ABCA12: variants seen among roughly 807,000 people sequenced by gnomAD.
ABCA12 encodes glucosylceramide transporter ABCA12.
In ABCA12, 156 loss-of-function variants were observed where a neutral mutation model predicts 293.5. The ratio of observed to expected loss-of-function variants is 0.53; its 90% CI spans 0.47 to 0.61. ABCA12 has a LOEUF of 0.61. ABCA12 is among the 20% of genes least tolerant of loss of function. ABCA12 has a pLI of 0.00. For synonymous variants in ABCA12, 1,063 were observed against 1,108.0 expected, an observed-to-expected ratio of 0.96 and a Z score of 0.81; for missense variants, 2,797 against 3,090.2, an observed-to-expected ratio of 0.91 and a Z score of 2.25.
chr2:214,952,105 G>A (rs62204076), intron 44 of ABCA12, among the ~76,000 whole-genome samples: 6,750 of 151,140 alleles, frequency 0.045, 186 homozygotes, highest in Middle Eastern at 0.079. Context: ...TCTTCCCAAT[G>A]TCCCTGTTTC....
intron 28 of ABCA12, among the ~76,000 whole-genome samples, chr2:214,984,758 T>C (rs1468977475): frequency 2.0e-5 from 3 of 152,138 alleles, no homozygotes; most frequent in East Asian, 3.9e-4. Context: ...CCTAACTACA[T>C]GCCCATCTCA....
At chr2:215,108,897 G>A (rs945252449) in intron 2 of ABCA12, among the ~76,000 whole-genome samples, 12 of 151,876 alleles carry the variant, frequency 7.9e-5, no homozygotes, top group East Asian at 7.8e-4. Flanking sequence ...TGAAACCCCC[G>A]TCTCTACTAA....
Position 214,978,944 on chromosome 2 carries a change from C to G in ABCA12, c.4837G>C (p.Gly1613Arg), listed in dbSNP as rs1699586145. 6.2e-7 allele frequency: 1 copy of G among 1,614,060 alleles called. No individual in the cohort carries two copies. The highest frequency in any genetic ancestry group is 8.5e-7 in the Non-Finnish European group (1 of 1,179,984). ...LPEAYLKEDI[G>R]GELVYVLPPF... ...GGAAGTACATAAACAAGCTCTCCCC[C>G]AATATCCTCCTTGAGGTAGGCTTCG... The change falls in exon 32 of 53, where the codon GGG becomes CGG. Residue 1613 changes from glycine (G) to arginine (R), a missense_variant. By Grantham distance (125) the Gly-to-Arg change is moderately radical. Coordinates refer to ENST00000272895, the MANE Select transcript of ABCA12 (RefSeq NM_173076.3).
chr2:214,983,750 C>T lies in ABCA12; in HGVS notation c.4279G>A (p.Asp1427Asn), dbSNP rs761801135. Residue 1427 changes from aspartate to asparagine, a missense_variant, in exon 29 of 53, where the codon GAC becomes AAC. Transcript: ENST00000272895. ...RKNMGVCMQH[D>N]VLFSYLTTKE... Reference sequence around the variant, plus strand: ...GTAGTGAGGTAACTGAACAAGACGTCGTGCTGCATACAGACTCCCATGTTC... The same window carrying T: ...GTAGTGAGGTAACTGAACAAGACGTTGTGCTGCATACAGACTCCCATGTTC... 5.0e-6 allele frequency: 8 copies of T among 1,614,102 alleles called. No homozygotes were observed. Among genetic ancestry groups the T allele is most frequent in the Middle Eastern group, 1.6e-4 (1 of 6,062 alleles).
At chr2:214,948,531 G>T in intron 47 of ABCA12, 65 bp downstream of exon 47, 1 of 1,548,196 alleles carries the variant, frequency 6.5e-7, no homozygotes, top group East Asian at 2.3e-5. Context: ...GGTGTGGTGG[G>T]GTGGGGGATG....
intron 51 of ABCA12, among the ~76,000 whole-genome samples, chr2:214,934,567 T>G (rs140296637): frequency 6.6e-6 from 1 of 152,340 alleles, no homozygotes; most frequent in Non-Finnish European, 1.5e-5. Flanking sequence ...TGCTCAATCT[T>G]AAGAAATTTC....
At position 215,138,509 on chromosome 2, in the gene ABCA12, C is replaced by T. The variant is rs1012432466; in HGVS notation, c.-301G>A. ...TAATATCCAGTTGCTGCTTGTTGCA[C>T]GAAGTCCAGACTCAAGAGAGAATGA... On this transcript the variant is annotated 5_prime_UTR_variant, in exon 1 of 53. It adds an upstream start codon to the 5' untranslated region. Transcript: ENST00000272895. 77 of 394,936 alleles carry T rather than the reference C, an allele frequency of 1.9e-4. No homozygotes were observed. Among genetic ancestry groups the T allele is most frequent in the African/African-American group, 1.5e-3 (72 of 48,282 alleles). 24.5% of individuals were successfully genotyped at this position (394,936 alleles called of 1,614,324 possible). A position where few individuals can be genotyped will look rare whatever the true frequency, so the allele number is the denominator to read the frequency against.
chr2:215,097,455 C>T (rs902477376), intron 2 of ABCA12, among the ~76,000 whole-genome samples: 8 of 152,182 alleles, frequency 5.3e-5, no homozygotes, highest in South Asian at 4.2e-4. Context: ...AAAAATCCTG[C>T]GTTCTTTCCC....
rs184849830 is a variant in ABCA12 at position 214,978,346 on chromosome 2, C to G, written c.5098G>C (p.Val1700Leu). Residue 1700 changes from valine (V) to leucine (L), a missense_variant, in exon 33 of 53, where the codon GTG becomes CTG. Val to Leu is a conservative substitution (Grantham distance 32). Around this residue, in one of 3 missense-constraint regions of ABCA12, gnomAD observed 2,130 missense variants for 2,427.0 expected, o/e 0.88. Transcript: ENST00000272895. ...CTGTCTGTGAAATTGCTGCTGCTCA[C>G]AGATAAATCGTCAGGAGTTGAGATG... ...NGISTPDDLS[V>L]SSSNFTDRDD... The G allele has an allele frequency of 2.5e-6, 4 of 1,614,054 alleles. No individual in the cohort carries two copies. The East Asian group carries it at 8.9e-5, about 36-fold the overall frequency.
At chr2:215,054,395 A>G (rs1041088862) in intron 4 of ABCA12, among the ~76,000 whole-genome samples, 178 bp downstream of exon 4, 4 of 152,120 alleles carry the variant, frequency 2.6e-5, no homozygotes, top group African/African-American at 9.6e-5. Context: ...ATTATTTTCA[A>G]CACCTTTGCG....
At chr2:214,981,846 C>G (rs1207382296) in intron 30 of ABCA12, among the ~76,000 whole-genome samples, 1 of 147,040 alleles carries the variant, frequency 6.8e-6, no homozygotes. Flanking sequence ...ACTTACTGCA[C>G]CCCTGCACCC....
chr2:215,062,436 T>C (rs1701548060), intron 3 of ABCA12, among the ~76,000 whole-genome samples: 2 of 152,154 alleles, frequency 1.3e-5, no homozygotes, highest in Non-Finnish European at 2.9e-5. Flanking sequence ...GCCGTTCTCA[T>C]AGACAATGTA....
At chr2:215,037,153 G>C in intron 7 of ABCA12, 88 bp from the exon 8 acceptor site, 1 of 968,900 alleles carries the variant, frequency 1.0e-6, no homozygotes, top group Non-Finnish European at 1.6e-6. Flanking sequence ...AATGGCTACA[G>C]TATAAATTAT....
At chr2:215,105,333 G>T (rs1702442115) in intron 2 of ABCA12, among the ~76,000 whole-genome samples, 1 of 152,136 alleles carries the variant, frequency 6.6e-6, no homozygotes, top group African/African-American at 2.4e-5. Context: ...CTGGCATGCA[G>T]GGAAGATAAA....
intron 23 of ABCA12, 51 bp downstream of exon 23, chr2:214,997,644 A>G: frequency 7.6e-7 from 1 of 1,315,542 alleles, no homozygotes; most frequent in Middle Eastern, 1.8e-4. Flanking sequence ...AATCATAGTA[A>G]TTGTTCTATG....
chr2:215,007,910 A>G (rs1700289728), intron 18 of ABCA12, 64 bp from the exon 19 acceptor site: 6 of 1,596,720 alleles, frequency 3.8e-6, no homozygotes, highest in East Asian at 2.2e-5. Context: ...TTAACAAGGT[A>G]TCTTAAGATT....
chr2:214,963,726 C>T (rs1699178797), intron 39 of ABCA12, among the ~76,000 whole-genome samples: 1 of 151,264 alleles, frequency 6.6e-6, no homozygotes, highest in South Asian at 2.1e-4. Flanking sequence ...CCAGCCTGCC[C>T]GGTAGAGACA....
intron 1 of ABCA12, among the ~76,000 whole-genome samples, chr2:215,123,225 G>A (rs1702845592): frequency 6.6e-6 from 1 of 152,000 alleles, no homozygotes; most frequent in South Asian, 2.1e-4. Flanking sequence ...TCAGGCTGGA[G>A]TGCAGTGGCG....
chr2:215,071,827 T>C (rs182351453), intron 2 of ABCA12, among the ~76,000 whole-genome samples: 90 of 152,346 alleles, frequency 5.9e-4, no homozygotes, highest in African/African-American at 2.0e-3. Flanking sequence ...CCTGGTCTCC[T>C]GGCTCATGCC....
Sources: allele counts gnomAD v4.1 joint callset (sites outside exome capture counted in the v4.1 genomes callset), GRCh38; gene constraint gnomAD v4.1.1; regional missense constraint gnomAD v4.1.1; transcripts MANE v1.5; gene names NCBI Gene and HGNC (gene_info 2026-07-23, HGNC 2026-07-21).